NKAIN2: variants seen among roughly 807,000 people sequenced by gnomAD.
NKAIN2 encodes sodium/potassium-transporting ATPase subunit beta-1-interacting protein 2.
In NKAIN2, 14 loss-of-function variants were observed where a neutral mutation model predicts 32.6. The observed-to-expected ratio is 0.43, with a 90% CI of 0.28 to 0.67. NKAIN2 has a LOEUF of 0.67. NKAIN2 is among the 30% of genes least tolerant of loss of function. NKAIN2 has a pLI of 0.17. For missense variants in NKAIN2, 198 were observed against 258.3 expected (o/e 0.77, Z 1.60); for synonymous variants, 80 against 87.2 (o/e 0.92, Z 0.46).
intron 2 of NKAIN2, among the ~76,000 whole-genome samples, chr6:124,306,900 G>T (rs899502627): frequency 6.6e-6 from 1 of 152,108 alleles, no homozygotes; most frequent in Admixed American, 6.6e-5. Context: ...GCCAATATTT[G>T]CTAACCTTTC....
intron 3 of NKAIN2, among the ~76,000 whole-genome samples, chr6:124,588,351 T>G (rs1012455943): frequency 6.6e-6 from 1 of 152,168 alleles, no homozygotes; most frequent in Non-Finnish European, 1.5e-5. Context: ...TAATGCAATT[T>G]TTATTTAAAA....
At chr6:124,640,964 T>C (rs980524763) in intron 3 of NKAIN2, among the ~76,000 whole-genome samples, 9 of 152,200 alleles carry the variant, frequency 5.9e-5, no homozygotes, top group African/African-American at 9.7e-5. Flanking sequence ...ACAAAATTCT[T>C]TGTATTCTAG....
chr6:124,126,588 C>G (rs1373791283), intron 1 of NKAIN2, among the ~76,000 whole-genome samples: 1 of 23,094 alleles, frequency 4.3e-5, no homozygotes, highest in Admixed American at 4.4e-4. Context: ...TACTGGAGGA[C>G]ACTGATTTAG....
At chr6:124,270,100 G>A (rs1278977185) in intron 1 of NKAIN2, among the ~76,000 whole-genome samples, 1 of 152,134 alleles carries the variant, frequency 6.6e-6, no homozygotes, top group Non-Finnish European at 1.5e-5. Flanking sequence ...GCAGGTCACT[G>A]TGACATCTCC....
intron 3 of NKAIN2, among the ~76,000 whole-genome samples, chr6:124,558,083 A>G (rs1322841101): frequency 1.3e-5 from 2 of 152,196 alleles, no homozygotes; most frequent in Non-Finnish European, 2.9e-5. Context: ...CTCTCAGGAG[A>G]ATGTAGACTA....
At chr6:124,641,343 G>T (rs1315251737) in intron 3 of NKAIN2, among the ~76,000 whole-genome samples, 1 of 152,036 alleles carries the variant, frequency 6.6e-6, no homozygotes, top group Non-Finnish European at 1.5e-5. Flanking sequence ...GACCAAGAAG[G>T]CAGTCGCGAT....
intron 4 of NKAIN2, among the ~76,000 whole-genome samples, chr6:124,721,152 C>T (rs1318844090): frequency 1.3e-5 from 2 of 152,098 alleles, no homozygotes; most frequent in Non-Finnish European, 2.9e-5. Context: ...CGCGGTGGCT[C>T]ACGCCTGTAA....
chr6:123,903,696 A>T (rs908585593), intron 1 of NKAIN2, among the ~76,000 whole-genome samples: 8 of 152,194 alleles, frequency 5.3e-5, no homozygotes, highest in Non-Finnish European at 1.0e-4. Context: ...TAGGATTTGT[A>T]AGGTAGACCT....
At chr6:124,600,544 C>A (rs967885151) in intron 3 of NKAIN2, among the ~76,000 whole-genome samples, 1 of 151,858 alleles carries the variant, frequency 6.6e-6, no homozygotes, top group African/African-American at 2.4e-5. Flanking sequence ...ATGCTTAGTT[C>A]TTTAAAAGAA....
intron 1 of NKAIN2, among the ~76,000 whole-genome samples, chr6:123,996,169 T>C: frequency 6.6e-6 from 1 of 152,144 alleles, no homozygotes; most frequent in East Asian, 1.9e-4. Flanking sequence ...TTATTTTTAA[T>C]CCTTCCTTGC....
At chr6:124,474,562 G>A (rs1254016282) in intron 3 of NKAIN2, among the ~76,000 whole-genome samples, 3 of 151,928 alleles carry the variant, frequency 2.0e-5, no homozygotes, top group Admixed American at 6.6e-5. Context: ...CTTTACATAC[G>A]CATACATACT....
At chr6:124,247,525 A>G (rs1293763829) in intron 1 of NKAIN2, among the ~76,000 whole-genome samples, 1 of 152,142 alleles carries the variant, frequency 6.6e-6, no homozygotes, top group Non-Finnish European at 1.5e-5. Flanking sequence ...GTATATCAGA[A>G]TGTGAAAACG....
At chr6:124,064,004 G>C in intron 1 of NKAIN2, among the ~76,000 whole-genome samples, 1 of 151,040 alleles carries the variant, frequency 6.6e-6, no homozygotes, top group East Asian at 1.9e-4. Flanking sequence ...AGGCTGGAGT[G>C]CAGTGGTACT....
intron 1 of NKAIN2, among the ~76,000 whole-genome samples, chr6:124,110,942 A>G (rs1187667433): frequency 1.3e-5 from 2 of 151,942 alleles, no homozygotes; most frequent in Non-Finnish European, 2.9e-5. Context: ...CATATTTTAA[A>G]TATTTGGTAG....
At chr6:124,390,364 C>T (rs74470966) in intron 3 of NKAIN2, among the ~76,000 whole-genome samples, 3 of 152,132 alleles carry the variant, frequency 2.0e-5, no homozygotes, top group East Asian at 1.9e-4. Flanking sequence ...CAAACAAGCT[C>T]GAGATCAGCT....
intron 1 of NKAIN2, among the ~76,000 whole-genome samples, chr6:124,036,896 A>G (rs1781625338): frequency 6.6e-6 from 1 of 152,186 alleles, no homozygotes; most frequent in Non-Finnish European, 1.5e-5. Context: ...TTAGAACCTT[A>G]AAAATGTTGC....
intron 3 of NKAIN2, among the ~76,000 whole-genome samples, chr6:124,382,793 A>G (rs1337038432): frequency 6.6e-6 from 1 of 152,184 alleles, no homozygotes; most frequent in East Asian, 1.9e-4. Context: ...TGCCAAGTTC[A>G]GTTTATTTGT....
intron 1 of NKAIN2, among the ~76,000 whole-genome samples, chr6:124,103,291 G>A (rs944937295): frequency 2.0e-5 from 3 of 151,912 alleles, no homozygotes; most frequent in African/African-American, 7.3e-5. Flanking sequence ...AGCGTGAATC[G>A]AAAAGAACTT....
At chr6:124,334,975 T>G (rs182556415) in intron 2 of NKAIN2, among the ~76,000 whole-genome samples, 1 of 152,202 alleles carries the variant, frequency 6.6e-6, no homozygotes, top group African/African-American at 2.4e-5. Flanking sequence ...CTCACTGTTA[T>G]GATTTTTGCA....
Sources: allele counts gnomAD v4.1 joint callset (sites outside exome capture counted in the v4.1 genomes callset), GRCh38; gene constraint gnomAD v4.1.1; transcripts MANE v1.5; gene names NCBI Gene and HGNC (gene_info 2026-07-23, HGNC 2026-07-21).